GCFC2: variants seen among roughly 807,000 people sequenced by gnomAD.
GCFC2 encodes intron Large complex component GCFC2.
In GCFC2, 102 loss-of-function variants were observed where a neutral mutation model predicts 99.4. The observed-to-expected ratio is 1.03, with a 90% CI of 0.87 to 1.21. GCFC2 has a LOEUF of 1.21. Ranked by LOEUF, GCFC2 falls within the 50% of genes most tolerant of loss-of-function variation. The pLI is 0.00. For missense variants in GCFC2, 973 were observed against 920.9 expected (o/e 1.06, Z -0.73); for synonymous variants, 338 against 316.8 (o/e 1.07, Z -0.71).
chr2:75,711,290 G>A, upstream of GCFC2: 1 of 839,264 alleles, frequency 1.2e-6, no homozygotes, highest in Non-Finnish European at 1.4e-6. Flanking sequence ...TAAAACAAAC[G>A]AAACCCCAGC....
intron 11 of GCFC2, among the ~76,000 whole-genome samples, chr2:75,687,325 T>TA (rs2104323044): frequency 6.6e-6 from 1 of 152,186 alleles, no homozygotes; most frequent in South Asian, 2.1e-4. Context: ...GGAAGTGTGC[T>TA]AAAAAATGAC....
chr2:75,666,213 A>G (rs1426310374), intron 15 of GCFC2, among the ~76,000 whole-genome samples, 160 bp from the exon 16 acceptor site: 1 of 152,226 alleles, frequency 6.6e-6, no homozygotes, highest in East Asian at 1.9e-4. Context: ...GTCCAAGGCT[A>G]CATATATTTT....
At position 75,683,029 on chromosome 2, in the gene GCFC2, T is replaced by G. The variant is rs186921955; in HGVS notation, c.1691-2715A>C. On this transcript the variant is annotated intron_variant, in intron 11 of 16. Coordinates refer to ENST00000321027, the MANE Select transcript of GCFC2 (RefSeq NM_003203.5). ...AGTTGGAAAACACTCTTCAGGACATTATCCGGAAGAACTTCCCCAACACAG... is the reference window on the plus strand; with the variant it reads ...AGTTGGAAAACACTCTTCAGGACATGATCCGGAAGAACTTCCCCAACACAG... Among the ~76,000 whole-genome samples the G allele has an allele frequency of 1.6e-3, 248 of 151,916 alleles. 3 individuals carry two copies. Among genetic ancestry groups the G allele is most frequent in the African/African-American group, 5.7e-3 (235 of 41,198 alleles).
At chr2:75,671,475 C>T (rs144771318) in intron 14 of GCFC2, among the ~76,000 whole-genome samples, 222 of 152,268 alleles carry the variant, frequency 1.5e-3, no homozygotes, top group African/African-American at 5.0e-3. Flanking sequence ...GATCAGTTAT[C>T]GACTCCTTTC....
intron 1 of GCFC2, 99 bp downstream of exon 1, chr2:75,710,492 C>T: frequency 7.2e-7 from 1 of 1,393,706 alleles, no homozygotes; most frequent in Non-Finnish European, 9.3e-7. Context: ...TTGTGGTCGG[C>T]AGCAAGTTAT....
At chr2:75,712,964 A>G (rs1362427122), upstream of GCFC2, among the ~76,000 whole-genome samples, 9 of 152,246 alleles carry the variant, frequency 5.9e-5, no homozygotes, top group African/African-American at 2.2e-4. Flanking sequence ...TTTCTCCCAG[A>G]TATCCAGTCA....
chr2:75,710,955 C>G (rs898763113), upstream of GCFC2: 38 of 1,367,772 alleles, frequency 2.8e-5, no homozygotes, highest in Non-Finnish European at 3.2e-5. Flanking sequence ...GCCTGGCCGC[C>G]GAGTGCGCGC....
At chr2:75,672,136 TAG>T (rs1679116927) in intron 13 of GCFC2, 120 bp from the exon 14 acceptor site, 2 of 226,868 alleles carry the variant, frequency 8.8e-6, no homozygotes, top group Admixed American at 5.7e-5. Context: ...GGAATATAAA[TAG>T]AGATTGTTTA....
At chr2:75,712,342 G>A (rs116757595), upstream of GCFC2, among the ~76,000 whole-genome samples, 1,876 of 152,254 alleles carry the variant, frequency 0.012, 41 homozygotes, top group African/African-American at 0.043. Context: ...TGCACCAATA[G>A]ACATTCTATC....
chr2:75,694,419 A>T lies in GCFC2; in HGVS notation c.842T>A (p.Leu281Ter). 7.6e-7 allele frequency: 1 copy of T among 1,323,066 alleles called. No homozygotes were observed. Among genetic ancestry groups the T allele is most frequent in the Non-Finnish European group, 1.0e-6 (1 of 989,420 alleles). 82.0% of individuals were successfully genotyped at this position (1,323,066 alleles called of 1,614,324 possible). ...GTGTGAGCGGTGAGTTTCCTGTAGT[A>T]ATGTTAATCTAAATAAATAAAATAA... Reference protein sequence around the residue: ...IKKQLNTRLTLLQETHRSHLR... With the variant: ...IKKQLNTRLT The change falls in exon 6 of 17, where the codon TTA (leucine) becomes TAA (stop). Residue 281 changes from leucine to a stop codon, truncating the protein, a stop_gained. Coordinates refer to ENST00000321027, the MANE Select transcript of GCFC2 (RefSeq NM_003203.5). LOFTEE classifies it high-confidence loss of function.
intron 2 of GCFC2, among the ~76,000 whole-genome samples, chr2:75,704,510 G>T (rs943744923): frequency 1.3e-5 from 2 of 152,222 alleles, no homozygotes; most frequent in African/African-American, 4.8e-5. Flanking sequence ...CTGCACTCCT[G>T]TTAAGACATT....
Position 75,706,576 on chromosome 2 carries a change from C to T in GCFC2, c.341G>A (p.Gly114Asp), listed in dbSNP as rs1273606434. ...HHSSESKDDQ[G>D]LSSDSSSSLG... ...AGAGCTAGAACTGTCAGAAGACAAA[C>T]CCTGATCATCCTTACTTTCTGAGGA... Residue 114 changes from glycine (G) to aspartate (D), a missense_variant, in exon 2 of 17, where the codon GGT (glycine) becomes GAT (aspartate). Transcript: ENST00000321027. The T allele has an allele frequency of 6.3e-7, 1 of 1,599,984 alleles. No homozygotes were observed. The highest frequency in any genetic ancestry group is 1.7e-5 in the Admixed American group (1 of 59,994).
intron 2 of GCFC2, among the ~76,000 whole-genome samples, chr2:75,703,870 G>T (rs1279708722): frequency 6.6e-6 from 1 of 152,192 alleles, no homozygotes; most frequent in Admixed American, 6.5e-5. Context: ...ATACTCAAGT[G>T]TATGAATGTG....
intron 1 of GCFC2, among the ~76,000 whole-genome samples, chr2:75,708,989 A>G (rs1680993460): frequency 6.6e-6 from 1 of 152,226 alleles, no homozygotes; most frequent in African/African-American, 2.4e-5. Flanking sequence ...TTAAAAGCAG[A>G]AACACCTATG....
In GCFC2 at chr2:75,710,790, G is replaced by T; in HGVS notation, c.66C>A (p.Ala22=). ...CCCCAGGCTCAGCAGGCGACTCCTC[G>T]GCGCCATCGCTGTCGCTGGAATCAG... ...RAADSSDSDG[A]EESPAEPGAP... is the part of the protein sequence containing the mutation. The change falls in exon 1 of 17, where the codon GCC becomes GCA. Residue 22 remains alanine (A), a synonymous_variant. Coordinates refer to ENST00000321027, the MANE Select transcript of GCFC2 (RefSeq NM_003203.5). 1.9e-6 allele frequency: 3 copies of T among 1,576,986 alleles called. No individual in the cohort carries two copies. Among genetic ancestry groups the T allele is most frequent in the Non-Finnish European group, 2.6e-6 (3 of 1,167,302 alleles).
intron 12 of GCFC2, among the ~76,000 whole-genome samples, chr2:75,679,466 A>G (rs1475980890): frequency 6.6e-6 from 1 of 152,226 alleles, no homozygotes; most frequent in Non-Finnish European, 1.5e-5. Context: ...AAGAGTGAGA[A>G]GATTCTCAGC....
rs371731404 is a variant in GCFC2 at position 75,694,354 on chromosome 2, A to G, written c.907T>C (p.Ser303Pro). 4 of 1,524,432 alleles carry G rather than the reference A, an allele frequency of 2.6e-6. No homozygotes were observed. The African/African-American group carries it at 5.5e-5, about 21-fold the overall frequency. 94.4% of individuals were successfully genotyped at this position (1,524,432 alleles called of 1,614,324 possible). Residue 303 changes from serine (S) to proline (P), a missense_variant, in exon 6 of 17, where the codon TCA becomes CCA. Ser to Pro is a moderately conservative substitution (Grantham distance 74, BLOSUM62 -1). Transcript: ENST00000321027. ...YEKYVQDVKSSKSTIQNLESS... is the reference protein window; with the variant it reads ...YEKYVQDVKSPKSTIQNLESS... Reference sequence around the variant, plus strand: ...TCTAGGTTCTGGATGGTACTCTTTGAGCTTTTGACATCTTGTACGTATTTT... The same window carrying G: ...TCTAGGTTCTGGATGGTACTCTTTGGGCTTTTGACATCTTGTACGTATTTT...
At chr2:75,668,639 T>C (rs1299623420) in intron 15 of GCFC2, among the ~76,000 whole-genome samples, 1 of 152,190 alleles carries the variant, frequency 6.6e-6, no homozygotes, top group Non-Finnish European at 1.5e-5. Flanking sequence ...GGTTCTGAGA[T>C]TTATTTTCCT....
At chr2:75,710,466 TAA>T in intron 1 of GCFC2, 123 bp downstream of exon 1, 1 of 1,384,238 alleles carries the variant, frequency 7.2e-7, no homozygotes, top group Non-Finnish European at 9.3e-7. Flanking sequence ...TCTTTCTGGA[TAA>T]GACTCAGCAT....
Sources: gnomAD v4.1 joint callset for allele counts (sites outside exome capture counted in the v4.1 genomes callset) on GRCh38, gnomAD v4.1.1 for gene constraint, MANE v1.5 for transcripts, NCBI Gene and HGNC (gene_info 2026-07-23, HGNC 2026-07-21) for gene names.